CTNNA2: variants seen among roughly 807,000 people sequenced by gnomAD.
The protein encoded by CTNNA2 is catenin alpha 2, also known as catenin alpha-2.
A neutral mutation model predicts 101.0 loss-of-function variants in CTNNA2; 42 were observed. The observed-to-expected ratio is 0.42, with a 90% CI of 0.32 to 0.54. The LOEUF (loss-of-function observed/expected upper bound fraction) is 0.54. Ranked by LOEUF, CTNNA2 falls within the 20% of genes least tolerant of loss-of-function variation. The pLI is 0.14. For missense variants in CTNNA2, 871 were observed against 1,223.1 expected (o/e 0.71, Z 4.29); for synonymous variants, 450 against 456.4 (o/e 0.99, Z 0.18).
At chr2:80,485,811 C>T (rs1686529229) in intron 9 of CTNNA2, among the ~76,000 whole-genome samples, 1 of 152,176 alleles carries the variant, frequency 6.6e-6, no homozygotes, top group Non-Finnish European at 1.5e-5. Flanking sequence ...TTTAAACATA[C>T]ATCAGCCAAG....
At chr2:80,403,592 C>T (rs933233589) in intron 8 of CTNNA2, among the ~76,000 whole-genome samples, 19 of 152,114 alleles carry the variant, frequency 1.2e-4, no homozygotes, top group African/African-American at 3.4e-4. Context: ...TCCTTACTGC[C>T]TAATTATAAG....
In CTNNA2 at chr2:80,535,460, A is replaced by T. The variant is rs138548042; in HGVS notation, c.1291-9522A>T. ...AACTAATCTCTTATTGCAACATTGT[A>T]ATATTTTATATTTATATTTTATAAC... On this transcript the variant is annotated intron_variant, in intron 9 of 18. Coordinates refer to ENST00000402739, the MANE Select transcript of CTNNA2 (RefSeq NM_001282597.3). 3.4e-4 allele frequency among the ~76,000 whole-genome samples: 52 copies of T among 152,268 alleles called. No individual in the cohort carries two copies. In the East Asian group the frequency reaches 9.8e-3, roughly 29 times the overall value.
intron 1 of CTNNA2, among the ~76,000 whole-genome samples, chr2:79,194,270 A>T (rs1301317950): frequency 6.6e-6 from 1 of 152,198 alleles, no homozygotes; most frequent in Non-Finnish European, 1.5e-5. Flanking sequence ...TTGTTAAAAG[A>T]GGTGACATGT....
At chr2:79,270,605 T>C (rs1213480370) in intron 2 of CTNNA2, among the ~76,000 whole-genome samples, 1 of 152,002 alleles carries the variant, frequency 6.6e-6, no homozygotes, top group East Asian at 1.9e-4. Flanking sequence ...TTCCTCTCTA[T>C]GCAGCTCCCA....
chr2:79,769,324 A>T (rs535527172), intron 3 of CTNNA2, among the ~76,000 whole-genome samples: 73 of 152,290 alleles, frequency 4.8e-4, no homozygotes, highest in African/African-American at 1.6e-3. Context: ...TCACTTAATC[A>T]ATGCATTTTC....
intron 8 of CTNNA2, 65 bp downstream of exon 8, chr2:80,393,356 TC>T: frequency 8.7e-7 from 1 of 1,154,886 alleles, no homozygotes; most frequent in Admixed American, 2.1e-5. Flanking sequence ...AATATCCTTT[TC>T]CAGGGTGTCT....
chr2:79,966,914 C>T (rs903113070), intron 7 of CTNNA2, among the ~76,000 whole-genome samples: 1 of 152,068 alleles, frequency 6.6e-6, no homozygotes, highest in Non-Finnish European at 1.5e-5. Flanking sequence ...TTTTCCAGAA[C>T]CACTTTCCTG....
intron 1 of CTNNA2, among the ~76,000 whole-genome samples, chr2:79,193,418 G>A (rs142749428): frequency 8.1e-4 from 124 of 152,260 alleles, no homozygotes; most frequent in African/African-American, 2.7e-3. Context: ...TACCTACGGT[G>A]TTCCGTACAA....
intron 2 of CTNNA2, among the ~76,000 whole-genome samples, chr2:79,679,701 T>C (rs1573655559): frequency 6.6e-6 from 1 of 152,168 alleles, no homozygotes; most frequent in South Asian, 2.1e-4. Flanking sequence ...ACTCTTTCAA[T>C]GTCCTGCAGC....
intron 7 of CTNNA2, among the ~76,000 whole-genome samples, chr2:80,358,343 CTTTTTTTTTTTTTT>C (rs35040432): frequency 1.0e-5 from 1 of 99,716 alleles, no homozygotes; most frequent in African/African-American, 3.4e-5. Context: ...TAGTATTCTA[CTTTTTTTTTTTTTT>C]TTTTTTTTTT....
intron 1 of CTNNA2, among the ~76,000 whole-genome samples, chr2:79,196,267 A>G (rs1673959751): frequency 6.6e-6 from 1 of 152,050 alleles, no homozygotes; most frequent in Admixed American, 6.6e-5. Context: ...TTTGAAATGC[A>G]TTTCTCTTAG....
At chr2:80,439,876 T>C (rs982455990) in intron 9 of CTNNA2, among the ~76,000 whole-genome samples, 3 of 152,220 alleles carry the variant, frequency 2.0e-5, no homozygotes, top group African/African-American at 7.2e-5. Flanking sequence ...AGAGTCCAAA[T>C]TAACTGAGCA....
At chr2:80,116,046 T>G (rs1045278651) in intron 7 of CTNNA2, among the ~76,000 whole-genome samples, 1 of 136,094 alleles carries the variant, frequency 7.3e-6, no homozygotes, top group East Asian at 2.5e-4. Flanking sequence ...AGAATCAAGT[T>G]TAATAAACTT....
chr2:79,579,667 T>A (rs1243906193), intron 1 of CTNNA2, among the ~76,000 whole-genome samples: 1 of 152,130 alleles, frequency 6.6e-6, no homozygotes, highest in Admixed American at 6.6e-5. Context: ...CAGGCTGGAG[T>A]GCCATGGCAC....
chr2:80,606,410 A>C (rs769164864), intron 16 of CTNNA2, among the ~76,000 whole-genome samples: 1,314 of 60,362 alleles, frequency 0.022, 9 homozygotes, highest in Non-Finnish European at 0.035. Flanking sequence ...ACACACACAC[A>C]CACCCCCCAG....
chr2:80,015,831 T>G (rs1315069859), intron 7 of CTNNA2, among the ~76,000 whole-genome samples: 1 of 152,222 alleles, frequency 6.6e-6, no homozygotes, highest in Non-Finnish European at 1.5e-5. Flanking sequence ...CCATCTAATT[T>G]TCATACCCAT....
At chr2:79,945,790 T>C (rs1688452107) in intron 7 of CTNNA2, among the ~76,000 whole-genome samples, 2 of 152,154 alleles carry the variant, frequency 1.3e-5, no homozygotes, top group South Asian at 4.1e-4. Context: ...TCAGTATCCA[T>C]TATGTCCTCA....
intron 3 of CTNNA2, among the ~76,000 whole-genome samples, chr2:79,768,423 C>T (rs530978135): frequency 2.0e-5 from 3 of 151,222 alleles, no homozygotes; most frequent in South Asian, 2.1e-4. Context: ...ATTTTTGGTT[C>T]CTTTGAAGAT....
At chr2:79,646,833 CTT>C (rs1680858645) in intron 1 of CTNNA2, among the ~76,000 whole-genome samples, 1 of 152,138 alleles carries the variant, frequency 6.6e-6, no homozygotes, top group Non-Finnish European at 1.5e-5. Context: ...CCAGCTAAAA[CTT>C]TTCACGAAGA....
Sources: gnomAD v4.1 joint callset for allele counts (sites outside exome capture counted in the v4.1 genomes callset) on GRCh38, gnomAD v4.1.1 for gene constraint, MANE v1.5 for transcripts, NCBI Gene and HGNC (gene_info 2026-07-23, HGNC 2026-07-21) for gene names.